ATP2C1: variants seen among roughly 807,000 people sequenced by gnomAD.
ATP2C1 encodes the protein calcium-transporting ATPase type 2C member 1.
ATP2C1 carries 31 observed loss-of-function variants against 120.5 expected under a neutral mutation model. The ratio of observed to expected loss-of-function variants is 0.26; its 90% CI spans 0.19 to 0.35. The LOEUF (loss-of-function observed/expected upper bound fraction) is 0.35, where lower values mean the gene tolerates loss of function less well. Ranked by LOEUF, ATP2C1 falls within the 10% of genes least tolerant of loss-of-function variation. The pLI is 1.00. For missense variants in ATP2C1, 731 were observed against 1,107.5 expected (o/e 0.66, Z 4.83); for synonymous variants, 351 against 358.7 (o/e 0.98, Z 0.24).
chr3:130,896,409 G>C (rs1445295836), intron 2 of ATP2C1, among the ~76,000 whole-genome samples: 1 of 152,166 alleles, frequency 6.6e-6, no homozygotes, highest in Non-Finnish European at 1.5e-5. Flanking sequence ...TTAAAAACGT[G>C]TGGGGTTTTC....
At chr3:130,850,807 T>C in exon 1 of ATP2C1, 1 of 1,351,460 alleles carries the variant, frequency 7.4e-7, no homozygotes. Context: ...AAGGACCCTC[T>C]TGCTTTCCTC....
At chr3:130,953,081 G>A (rs1275369211) in intron 8 of ATP2C1, among the ~76,000 whole-genome samples, 2 of 39,870 alleles carry the variant, frequency 5.0e-5, no homozygotes, top group Admixed American at 4.9e-4. Flanking sequence ...TTGTTCGTAT[G>A]TATGTATGTA....
At chr3:130,889,208 G>A (rs1242650499), upstream of ATP2C1, among the ~76,000 whole-genome samples, 2 of 152,300 alleles carry the variant, frequency 1.3e-5, no homozygotes, top group East Asian at 1.9e-4. Context: ...TTTGGGATAT[G>A]AGAGGAAACC....
rs771867563 is a variant in ATP2C1 at position 130,963,984 on chromosome 3, G to A, written c.913G>A (p.Ala305Thr). 6.2e-7 allele frequency: 1 copy of A among 1,612,712 alleles called. No homozygotes were observed. Among genetic ancestry groups the A allele is most frequent in the Admixed American group, 1.7e-5 (1 of 59,946 alleles). Residue 305 changes from alanine (A) to threonine (T), a missense_variant, in exon 13 of 28, where the codon GCA becomes ACA. Physicochemically the swap from Ala to Thr is moderately conservative, Grantham distance 58. Around this residue, in one of 3 missense-constraint regions of ATP2C1, gnomAD observed 571 missense variants for 845.9 expected, o/e 0.67. Coordinates refer to ENST00000510168, the MANE Select transcript of ATP2C1 (RefSeq NM_001378687.1). ...TGTTGGTTATAGTTTGGCTGTAGCA[G>A]CAATTCCTGAAGGTCTCCCCATTGT... is the stretch of plus-strand genomic sequence containing the variant. Reference protein sequence around the residue: ...FTISVSLAVAAIPEGLPIVVT... With the variant: ...FTISVSLAVATIPEGLPIVVT...
At position 130,937,464 on chromosome 3, in the gene ATP2C1, G is replaced by GT; in HGVS notation, c.360+2dup. 1 of 1,613,128 alleles carries GT rather than the reference G, an allele frequency of 6.2e-7. No homozygotes were observed. The highest frequency in any genetic ancestry group is 8.5e-7 in the Non-Finnish European group (1 of 1,179,144). On this transcript the variant is annotated splice_donor_variant, in intron 6 of 27. Coordinates refer to ENST00000510168, the MANE Select transcript of ATP2C1 (RefSeq NM_001378687.1). LOFTEE classifies it high-confidence loss of function. Reference sequence around the variant, plus strand: ...CGTTGTTACAGTTGCCTTTGTTCAGGTAAGTACTCTATTTTGCCAACATGA... The same window carrying GT: ...CGTTGTTACAGTTGCCTTTGTTCAGGTTAAGTACTCTATTTTGCCAACATGA...
intron 2 of ATP2C1, among the ~76,000 whole-genome samples, chr3:130,922,002 C>A (rs940444587): frequency 6.6e-6 from 1 of 152,106 alleles, no homozygotes; most frequent in Admixed American, 6.5e-5. Flanking sequence ...AGGATTCCCT[C>A]TTTATCTTTA....
chr3:130,885,498 C>T (rs1162277738), intron 1 of ATP2C1, among the ~76,000 whole-genome samples: 1 of 151,664 alleles, frequency 6.6e-6, no homozygotes, highest in Non-Finnish European at 1.5e-5. Flanking sequence ...TTATAGTTTT[C>T]GTGTCTATTG....
chr3:130,940,256 C>G (rs2059835711), intron 6 of ATP2C1, among the ~76,000 whole-genome samples: 1 of 152,160 alleles, frequency 6.6e-6, no homozygotes. Context: ...GGTTAATTAT[C>G]TTTGACTTCT....
chr3:130,898,282 A>AG (rs2069818309), intron 2 of ATP2C1, among the ~76,000 whole-genome samples: 1 of 152,158 alleles, frequency 6.6e-6, no homozygotes, highest in Non-Finnish European at 1.5e-5. Context: ...TTGTTTGAAA[A>AG]TGGTTGTATT....
intron 1 of ATP2C1, among the ~76,000 whole-genome samples, chr3:130,860,795 G>T (rs2067989711): frequency 6.6e-6 from 1 of 151,958 alleles, no homozygotes; most frequent in Admixed American, 6.6e-5. Context: ...CTTGACCTCA[G>T]ATTTTCTCTC....
At chr3:130,905,334 A>G (rs2058073205) in intron 2 of ATP2C1, among the ~76,000 whole-genome samples, 1 of 151,994 alleles carries the variant, frequency 6.6e-6, no homozygotes, top group Non-Finnish European at 1.5e-5. Context: ...CTGTTCTTCC[A>G]CCATAGGGTC....
At chr3:130,943,854 A>G (rs1165181201) in intron 8 of ATP2C1, among the ~76,000 whole-genome samples, 2 of 152,206 alleles carry the variant, frequency 1.3e-5, no homozygotes, top group Non-Finnish European at 1.5e-5. Context: ...CTGACTTAGG[A>G]TATAGACTGA....
Position 130,863,715 on chromosome 3 carries a change from T to C in ATP2C1, c.108+12787T>C, listed in dbSNP as rs2068084658. Among the ~76,000 whole-genome samples, 3 of 152,352 alleles carry C rather than the reference T, an allele frequency of 2.0e-5. No individual in the cohort carries two copies. The South Asian group carries it at 6.2e-4, about 32-fold the overall frequency. On this transcript the variant is annotated intron_variant, in intron 1 of 26. Transcript: ENST00000504381. ...TCATGGGGGCTGGTCTTTCCCATGC[T>C]ATTCTCATTATAGTGAATAAGTCTC...
intron 1 of ATP2C1, among the ~76,000 whole-genome samples, chr3:130,854,758 C>T (rs1051656068): frequency 1.3e-5 from 2 of 152,180 alleles, no homozygotes; most frequent in African/African-American, 4.8e-5. Flanking sequence ...TTTGTCAGCT[C>T]ATGTGGGACA....
intron 11 of ATP2C1, among the ~76,000 whole-genome samples, chr3:130,958,702 T>G (rs2060687562): frequency 6.6e-6 from 1 of 152,176 alleles, no homozygotes; most frequent in African/African-American, 2.4e-5. Flanking sequence ...TAATTGATTT[T>G]TAAATTTTTG....
chr3:130,893,400 C>G (rs2069263091), upstream of ATP2C1, among the ~76,000 whole-genome samples: 2 of 152,204 alleles, frequency 1.3e-5, no homozygotes, highest in African/African-American at 4.8e-5. Context: ...TCTCTCATTA[C>G]ACATGGTAAC....
chr3:130,869,827 A>G (rs2068372634), intron 1 of ATP2C1, among the ~76,000 whole-genome samples: 1 of 152,246 alleles, frequency 6.6e-6, no homozygotes, highest in South Asian at 2.1e-4. Context: ...AGCAATCTCC[A>G]TAACATAAAA....
intron 1 of ATP2C1, among the ~76,000 whole-genome samples, chr3:130,854,678 G>T (rs1236643296): frequency 6.6e-6 from 1 of 152,174 alleles, no homozygotes; most frequent in Non-Finnish European, 1.5e-5. Flanking sequence ...AACCCCTGGG[G>T]AGTACTGCTC....
At chr3:130,958,737 T>G (rs1352636658) in intron 11 of ATP2C1, among the ~76,000 whole-genome samples, 1 of 152,188 alleles carries the variant, frequency 6.6e-6, no homozygotes, top group African/African-American at 2.4e-5. Context: ...TAGTGATTTT[T>G]AGATGTTAAT....
Sources: allele counts gnomAD v4.1 joint callset (sites outside exome capture counted in the v4.1 genomes callset), GRCh38; gene constraint gnomAD v4.1.1; regional missense constraint gnomAD v4.1.1; transcripts MANE v1.5; gene names NCBI Gene and HGNC (gene_info 2026-07-23, HGNC 2026-07-21).